EXOC6: variants seen among roughly 807,000 people sequenced by gnomAD.
EXOC6 encodes the protein SEC15-like 1.
Under a neutral mutation model 112.5 loss-of-function variants are expected in EXOC6, and 60 were observed. The ratio of observed to expected loss-of-function variants is 0.53; its 90% CI spans 0.43 to 0.66. The LOEUF (loss-of-function observed/expected upper bound fraction) is 0.66. Among genes scored for constraint, EXOC6 ranks in the 30% least tolerant of loss-of-function variants. The probability of loss-of-function intolerance (pLI) is 0.00; values close to 1 mark genes in which losing one functional copy is unlikely to be tolerated. For missense variants in EXOC6, 855 were observed against 957.1 expected (o/e 0.89, Z 1.41); for synonymous variants, 295 against 308.0 (o/e 0.96, Z 0.44).
chr10:92,922,015 G>T (rs905877713), intron 8 of EXOC6, among the ~76,000 whole-genome samples: 7 of 151,622 alleles, frequency 4.6e-5, no homozygotes, highest in African/African-American at 1.7e-4. Context: ...GTGCCATCTT[G>T]GCTCACTACA....
chr10:92,843,290 C>A (rs878990503), intron 1 of EXOC6, among the ~76,000 whole-genome samples: 1 of 152,052 alleles, frequency 6.6e-6, no homozygotes, highest in Non-Finnish European at 1.5e-5. Context: ...GTCACCACAC[C>A]AAAAAGGCAG....
chr10:92,911,164 C>CT (rs1429210156), intron 6 of EXOC6, among the ~76,000 whole-genome samples: 1 of 152,066 alleles, frequency 6.6e-6, no homozygotes, highest in African/African-American at 2.4e-5. Context: ...ACTATTTCTT[C>CT]TTTTTGTCTT....
At chr10:92,949,221 G>T (rs192476451) in intron 14 of EXOC6, among the ~76,000 whole-genome samples, 4 of 152,018 alleles carry the variant, frequency 2.6e-5, no homozygotes, top group Admixed American at 2.6e-4. Context: ...GCATGAGCAA[G>T]ACCAAATTCT....
chr10:92,839,231 C>G (rs1339009131), intron 1 of EXOC6, among the ~76,000 whole-genome samples: 1 of 152,172 alleles, frequency 6.6e-6, no homozygotes, highest in East Asian at 1.9e-4. Context: ...TGTTCTCATT[C>G]TGTTTAGGTT....
chr10:93,014,092 A>T, intron 19 of EXOC6, 102 bp from the exon 20 acceptor site: 1 of 835,198 alleles, frequency 1.2e-6, no homozygotes, highest in African/African-American at 1.7e-5. Context: ...TTATGTGTAA[A>T]TATTATAATG....
chr10:93,006,101 A>G lies in EXOC6; in HGVS notation c.2096-8093A>G, dbSNP rs200766796. Among the ~76,000 whole-genome samples the G allele has an allele frequency of 6.0e-4, 92 of 152,260 alleles. 1 individual carries two copies. In the East Asian group the frequency reaches 0.017, roughly 28 times the overall value. ...CTTGAGCCTGGAAGGTCAAGGCTGCAGTGAGCCGTGATCATGCCACTGTAC... is the reference window on the plus strand; with the variant it reads ...CTTGAGCCTGGAAGGTCAAGGCTGCGGTGAGCCGTGATCATGCCACTGTAC... On this transcript the variant is annotated intron_variant, in intron 19 of 21. Transcript: ENST00000260762.
intron 1 of EXOC6, among the ~76,000 whole-genome samples, chr10:92,871,571 C>G (rs1848449208): frequency 6.6e-6 from 1 of 151,156 alleles, no homozygotes; most frequent in African/African-American, 2.4e-5. Context: ...CTTTGGGAGG[C>G]CAAGGCTGGA....
At chr10:93,046,892 C>T (rs1020025783) in intron 20 of EXOC6, among the ~76,000 whole-genome samples, 12 of 152,192 alleles carry the variant, frequency 7.9e-5, no homozygotes, top group African/African-American at 2.9e-4. Flanking sequence ...GCCACCACGC[C>T]TGGCCCAGTC....
At chr10:92,993,221 T>C (rs10882138) in intron 18 of EXOC6, among the ~76,000 whole-genome samples, 57,807 of 151,960 alleles carry the variant, frequency 0.38, 11,330 homozygotes, top group Middle Eastern at 0.48. Context: ...AAGAATAATA[T>C]GTTGTACAAT....
chr10:93,000,052 A>G (rs1398898478), intron 19 of EXOC6, among the ~76,000 whole-genome samples: 1 of 152,180 alleles, frequency 6.6e-6, no homozygotes, highest in East Asian at 1.9e-4. Flanking sequence ...ATATGTATGT[A>G]TGTGAAAAAA....
chr10:92,917,626 G>A (rs1312004429), intron 7 of EXOC6, among the ~76,000 whole-genome samples: 3 of 150,584 alleles, frequency 2.0e-5, no homozygotes, highest in Admixed American at 2.0e-4. Context: ...CTGGGTCCAA[G>A]TGTTCTTCCC....
chr10:92,884,978 A>G (rs1054844106), intron 1 of EXOC6, among the ~76,000 whole-genome samples: 1 of 152,148 alleles, frequency 6.6e-6, no homozygotes, highest in African/African-American at 2.4e-5. Flanking sequence ...CTCAGTTAAG[A>G]CATTTGATTT....
chr10:93,000,560 G>A (rs1843712976), intron 19 of EXOC6, among the ~76,000 whole-genome samples: 1 of 152,158 alleles, frequency 6.6e-6, no homozygotes, highest in South Asian at 2.1e-4. Context: ...CCTGATGGGG[G>A]TTAAGGTCCT....
At chr10:93,051,391 T>C (rs749430374) in intron 20 of EXOC6, among the ~76,000 whole-genome samples, 8 of 152,166 alleles carry the variant, frequency 5.3e-5, no homozygotes, top group African/African-American at 1.7e-4. Flanking sequence ...AGATGGGACA[T>C]TGGAAGAGGG....
At chr10:93,012,308 G>A (rs949332081) in intron 19 of EXOC6, among the ~76,000 whole-genome samples, 8 of 152,160 alleles carry the variant, frequency 5.3e-5, no homozygotes, top group Non-Finnish European at 1.0e-4. Context: ...AACTACCAGG[G>A]AGAAGGCAGA....
chr10:93,002,483 C>T (rs779578065), intron 19 of EXOC6, among the ~76,000 whole-genome samples: 5 of 152,132 alleles, frequency 3.3e-5, no homozygotes, highest in Non-Finnish European at 5.9e-5. Flanking sequence ...AAATCTTGGG[C>T]CCCACCTGCT....
chr10:92,996,935 G>A (rs1843522264), intron 18 of EXOC6, among the ~76,000 whole-genome samples: 1 of 152,034 alleles, frequency 6.6e-6, no homozygotes, highest in African/African-American at 2.4e-5. Context: ...AGTGATTGAA[G>A]CTATGCTATA....
intron 1 of EXOC6, among the ~76,000 whole-genome samples, chr10:92,859,403 T>C (rs1847788453): frequency 3.9e-5 from 6 of 152,214 alleles, no homozygotes; most frequent in African/African-American, 1.2e-4. Context: ...GACGTCTCTG[T>C]TAAACTTTCT....
intron 20 of EXOC6, among the ~76,000 whole-genome samples, chr10:93,037,914 C>T (rs1489461621): frequency 4.0e-5 from 6 of 150,838 alleles, no homozygotes; most frequent in Non-Finnish European, 8.9e-5. Context: ...GTGGCGGGCG[C>T]CCGTAATCCC....
Sources: allele counts gnomAD v4.1 joint callset (sites outside exome capture counted in the v4.1 genomes callset), GRCh38; gene constraint gnomAD v4.1.1; transcripts MANE v1.5; gene names NCBI Gene and HGNC (gene_info 2026-07-23, HGNC 2026-07-21).